NTM: variants seen among roughly 807,000 people sequenced by gnomAD.
NTM encodes the protein neurotrimin.
A neutral mutation model predicts 42.1 loss-of-function variants in NTM; 13 were observed. The observed-to-expected ratio is 0.31, with a 90% CI of 0.20 to 0.49. The LOEUF is 0.49. NTM is among the 20% of genes least tolerant of loss of function. NTM has a pLI of 0.99. For synonymous variants in NTM, 187 were observed against 179.2 expected (o/e 1.04, Z -0.35); for missense variants, 373 against 452.8 (o/e 0.82, Z 1.60).
intron 1 of NTM, among the ~76,000 whole-genome samples, chr11:131,711,261 A>G (rs1303772739): frequency 6.6e-6 from 1 of 152,208 alleles, no homozygotes; most frequent in Non-Finnish European, 1.5e-5. Context: ...CAGAATCTAC[A>G]ATGAACCCAA....
chr11:132,219,560 G>C (rs2084676240), intron 4 of NTM, among the ~76,000 whole-genome samples: 1 of 151,722 alleles, frequency 6.6e-6, no homozygotes, highest in South Asian at 2.1e-4. Flanking sequence ...GTATCTCTTT[G>C]CATCAGTTTG....
chr11:131,380,214 T>C (rs1337977897), intron 1 of NTM, among the ~76,000 whole-genome samples: 2 of 58,482 alleles, frequency 3.4e-5, no homozygotes, highest in African/African-American at 4.6e-4. Context: ...CTTTGAGTCT[T>C]TTTTTTTTTT....
intron 3 of NTM, among the ~76,000 whole-genome samples, chr11:132,152,848 T>G (rs1007122013): frequency 2.0e-4 from 31 of 152,352 alleles, no homozygotes; most frequent in African/African-American, 7.2e-4. Context: ...AAAAGTTATA[T>G]TCATTGAATA....
chr11:131,895,663 C>T (rs1366313705), intron 1 of NTM, among the ~76,000 whole-genome samples: 1 of 151,678 alleles, frequency 6.6e-6, no homozygotes, highest in African/African-American at 2.4e-5. Context: ...TATTATTTCA[C>T]ATTATATATG....
intron 7 of NTM, among the ~76,000 whole-genome samples, chr11:132,328,971 G>A (rs1015949702): frequency 6.6e-5 from 10 of 152,194 alleles, no homozygotes; most frequent in East Asian, 1.9e-4. Context: ...ACTTTTGATC[G>A]TCGATAAACC....
intron 1 of NTM, among the ~76,000 whole-genome samples, chr11:131,466,329 G>C (rs879159119): frequency 1.3e-5 from 2 of 152,178 alleles, no homozygotes; most frequent in Admixed American, 1.3e-4. Flanking sequence ...CTCGTGCAAA[G>C]TGCATTTTAT....
intron 1 of NTM, among the ~76,000 whole-genome samples, chr11:131,389,342 G>A (rs1034935717): frequency 1.3e-5 from 2 of 152,200 alleles, no homozygotes; most frequent in Non-Finnish European, 2.9e-5. Context: ...CTGGGGGAGC[G>A]GCTTGCTGAC....
chr11:132,330,674 T>C (rs998361874), intron 8 of NTM, among the ~76,000 whole-genome samples: 3 of 152,280 alleles, frequency 2.0e-5, no homozygotes, highest in African/African-American at 4.8e-5. Flanking sequence ...AAAATGCATC[T>C]TATTTGAAGC....
intron 1 of NTM, among the ~76,000 whole-genome samples, chr11:131,479,807 C>T (rs1389799377): frequency 6.6e-6 from 1 of 152,038 alleles, no homozygotes; most frequent in African/African-American, 2.4e-5. Context: ...AACGTCAGCA[C>T]AGAAAGCAAG....
At chr11:132,321,234 C>T (rs551976261) in intron 7 of NTM, among the ~76,000 whole-genome samples, 27 of 152,154 alleles carry the variant, frequency 1.8e-4, no homozygotes, top group South Asian at 1.7e-3. Context: ...CTCTGAGCTA[C>T]GGGAGGACAT....
In NTM at chr11:132,207,400, G is replaced by A. The variant is rs555364002; in HGVS notation, c.401-4622G>A. Among the ~76,000 whole-genome samples, 95 of 152,250 alleles carry A rather than the reference G, an allele frequency of 6.2e-4. 2 individuals carry two copies. In the South Asian group the frequency reaches 0.019, roughly 30 times the overall value. ...CTGTCACTATCTCCCATCACCCCCA[G>A]ATGGGACCCCCTAGTTGCAGGAAAA... is the stretch of plus-strand genomic sequence containing the variant. On this transcript the variant is annotated intron_variant, in intron 3 of 8. Transcript: ENST00000683400.
At chr11:132,089,086 A>G (rs1344915095) in intron 2 of NTM, among the ~76,000 whole-genome samples, 1 of 152,198 alleles carries the variant, frequency 6.6e-6, no homozygotes, top group Non-Finnish European at 1.5e-5. Context: ...AAGCTTTCCC[A>G]GGTGCTTTTC....
chr11:131,794,747 G>A, intron 1 of NTM: 1 of 985,398 alleles, frequency 1.0e-6, no homozygotes, highest in Non-Finnish European at 1.2e-6. Context: ...GTAGGACTTA[G>A]AACAATGGTG....
intron 4 of NTM, among the ~76,000 whole-genome samples, chr11:132,219,366 C>T (rs1566503148): frequency 6.6e-6 from 1 of 152,114 alleles, no homozygotes; most frequent in East Asian, 1.9e-4. Context: ...CCAGGAACCA[C>T]CCTAATGCTG....
intron 4 of NTM, among the ~76,000 whole-genome samples, chr11:132,240,921 A>G (rs2090082287): frequency 6.6e-6 from 1 of 152,226 alleles, no homozygotes; most frequent in Non-Finnish European, 1.5e-5. Context: ...CCAAAATCCA[A>G]AACTTTTTAA....
intron 1 of NTM, among the ~76,000 whole-genome samples, chr11:131,607,535 T>C (rs2061076609): frequency 6.6e-6 from 1 of 152,200 alleles, no homozygotes; most frequent in Non-Finnish European, 1.5e-5. Context: ...CATTTCTTTC[T>C]TCCCTCAATG....
At chr11:132,310,056 C>CAAAAAAAAA in intron 5 of NTM, 56 bp from the exon 6 acceptor site, 4 of 1,316,918 alleles carry the variant, frequency 3.0e-6, no homozygotes, top group Non-Finnish European at 1.9e-6. Context: ...GACTCCATCT[C>CAAAAAAAAA]AAAAAAAAAA....
chr11:131,498,158 G>A (rs10894405), intron 1 of NTM, among the ~76,000 whole-genome samples: 27,541 of 152,052 alleles, frequency 0.18, 2,906 homozygotes, highest in East Asian at 0.43. Context: ...TTCACTTGGC[G>A]GCACCAAGCA....
Position 132,105,266 on chromosome 11 carries a change from C to T in NTM, c.168-41016C>T, listed in dbSNP as rs79016012. ...AACGCCGTTTCCTGAAACCATGCCC[C>T]GTATCTCCAGATGAATAAACTTGGA... is the stretch of plus-strand genomic sequence containing the variant. On this transcript the variant is annotated intron_variant, in intron 2 of 8. Coordinates refer to ENST00000683400, the MANE Select transcript of NTM (RefSeq NM_001352005.2). Among the ~76,000 whole-genome samples the T allele has an allele frequency of 6.6e-3, 995 of 151,794 alleles. 8 individuals carry two copies. Among genetic ancestry groups the T allele is most frequent in the African/African-American group, 0.021 (888 of 41,388 alleles).
Sources: gnomAD v4.1 joint callset for allele counts (sites outside exome capture counted in the v4.1 genomes callset) on GRCh38, gnomAD v4.1.1 for gene constraint, MANE v1.5 for transcripts, NCBI Gene and HGNC (gene_info 2026-07-23, HGNC 2026-07-21) for gene names.